NUDT3: variants seen among roughly 807,000 people sequenced by gnomAD.
The protein encoded by NUDT3 is nudix hydrolase 3.
Under a neutral mutation model 23.6 loss-of-function variants are expected in NUDT3, and 9 were observed. The observed-to-expected ratio is 0.38, with a 90% CI of 0.23 to 0.66. NUDT3 has a LOEUF of 0.66. NUDT3 is among the 30% of genes least tolerant of loss of function. The pLI is 0.52. For synonymous variants in NUDT3, 86 were observed against 82.6 expected, an observed-to-expected ratio of 1.04 and a Z score of -0.22; for missense variants, 172 against 218.5, an observed-to-expected ratio of 0.79 and a Z score of 1.34.
chr6:34,363,459 T>A (rs962704118), intron 1 of NUDT3, among the ~76,000 whole-genome samples: 1 of 152,134 alleles, frequency 6.6e-6, no homozygotes, highest in Non-Finnish European at 1.5e-5. Context: ...ATAACTGAAT[T>A]TTTATCCTAA....
At chr6:34,336,431 T>A (rs1051782678) in intron 2 of NUDT3, among the ~76,000 whole-genome samples, 5 of 152,186 alleles carry the variant, frequency 3.3e-5, no homozygotes, top group African/African-American at 1.2e-4. Flanking sequence ...AGATTCTTTT[T>A]TTTGCTGTTG....
At chr6:34,364,934 T>C (rs1764704244) in intron 1 of NUDT3, among the ~76,000 whole-genome samples, 1 of 152,080 alleles carries the variant, frequency 6.6e-6, no homozygotes, top group African/African-American at 2.4e-5. Flanking sequence ...GGCAGGAGAA[T>C]GGCGTGAACC....
At chr6:34,315,938 T>C (rs1763850883) in intron 2 of NUDT3, among the ~76,000 whole-genome samples, 1 of 152,214 alleles carries the variant, frequency 6.6e-6, no homozygotes, top group Non-Finnish European at 1.5e-5. Flanking sequence ...AAGCATGTCA[T>C]GGAGGAGCTC....
intron 2 of NUDT3, among the ~76,000 whole-genome samples, chr6:34,329,752 T>A (rs1365331308): frequency 6.6e-6 from 1 of 152,202 alleles, no homozygotes; most frequent in Non-Finnish European, 1.5e-5. Flanking sequence ...GCTGCACCCA[T>A]TAACTCCTCA....
At chr6:34,297,116 T>C (rs57264820) in intron 2 of NUDT3, among the ~76,000 whole-genome samples, 1,655 of 151,962 alleles carry the variant, frequency 0.011, 23 homozygotes, top group African/African-American at 0.036. Flanking sequence ...TATTTTTTAG[T>C]AGAGACAGGG....
chr6:34,342,289 CAAAAAAAAAA>C (rs200954440), intron 1 of NUDT3, among the ~76,000 whole-genome samples: 63 of 66,490 alleles, frequency 9.5e-4, no homozygotes, highest in East Asian at 1.2e-3. Context: ...TAGAAGACTT[CAAAAAAAAAA>C]AAAAAAAAAA....
At chr6:34,337,089 C>A (rs1412100853) in intron 2 of NUDT3, among the ~76,000 whole-genome samples, 1 of 152,160 alleles carries the variant, frequency 6.6e-6, no homozygotes, top group East Asian at 1.9e-4. Flanking sequence ...AGCCACTGAA[C>A]TGTTTCTGTA....
intron 2 of NUDT3, among the ~76,000 whole-genome samples, chr6:34,313,379 G>C (rs1763805120): frequency 6.6e-6 from 1 of 152,070 alleles, no homozygotes; most frequent in African/African-American, 2.4e-5. Flanking sequence ...GAGCACAGAG[G>C]ATTTTTATAG....
At chr6:34,381,198 TA>T (rs1451150589) in intron 1 of NUDT3, among the ~76,000 whole-genome samples, 1 of 152,112 alleles carries the variant, frequency 6.6e-6, no homozygotes, top group Admixed American at 6.6e-5. Context: ...TAAATTTTTT[TA>T]TAGAGACGAG....
At chr6:34,301,093 T>C (rs1283870703) in intron 2 of NUDT3, among the ~76,000 whole-genome samples, 3 of 152,254 alleles carry the variant, frequency 2.0e-5, no homozygotes, top group African/African-American at 7.2e-5. Flanking sequence ...ATTTTAATTG[T>C]TGAACAGTTA....
chr6:34,332,275 A>G (rs892285064), intron 2 of NUDT3, among the ~76,000 whole-genome samples: 8 of 152,190 alleles, frequency 5.3e-5, no homozygotes, highest in African/African-American at 1.9e-4. Context: ...TTAAAGCTAG[A>G]AAAAGAAAAT....
At chr6:34,341,220 T>C (rs551697418) in intron 2 of NUDT3, among the ~76,000 whole-genome samples, 5 of 152,246 alleles carry the variant, frequency 3.3e-5, no homozygotes, top group South Asian at 4.1e-4. Flanking sequence ...GGTTTTCAAT[T>C]GCAATCTGTT....
chr6:34,362,495 A>C (rs7738445), intron 1 of NUDT3, among the ~76,000 whole-genome samples: 4,140 of 152,230 alleles, frequency 0.027, 158 homozygotes, highest in African/African-American at 0.085. Flanking sequence ...AAATATTTTT[A>C]AATTATATGC....
At chr6:34,348,513 C>G (rs1332177062) in intron 1 of NUDT3, among the ~76,000 whole-genome samples, 2 of 151,922 alleles carry the variant, frequency 1.3e-5, no homozygotes, top group Admixed American at 6.6e-5. Context: ...AGCGGTGGCT[C>G]ACACCTGTAA....
chr6:34,316,376 G>A (rs769059008), intron 2 of NUDT3, among the ~76,000 whole-genome samples: 2 of 152,114 alleles, frequency 1.3e-5, no homozygotes, highest in Admixed American at 6.6e-5. Flanking sequence ...ACACTTTAGT[G>A]GCATTAGAGA....
intron 1 of NUDT3, among the ~76,000 whole-genome samples, chr6:34,372,018 T>A (rs1389818117): frequency 6.6e-6 from 1 of 151,714 alleles, no homozygotes; most frequent in Non-Finnish European, 1.5e-5. Flanking sequence ...CTTGCGATCG[T>A]TTGCTCAGAA....
chr6:34,327,340 C>T (rs1489191161), intron 2 of NUDT3, among the ~76,000 whole-genome samples: 1 of 151,848 alleles, frequency 6.6e-6, no homozygotes, highest in African/African-American at 2.4e-5. Context: ...ACCATCCTGG[C>T]CAACATGGTG....
At chr6:34,300,025 A>AGT (rs1763575931) in intron 2 of NUDT3, among the ~76,000 whole-genome samples, 1 of 152,066 alleles carries the variant, frequency 6.6e-6, no homozygotes, top group Admixed American at 6.6e-5. Context: ...CTGGGATTAC[A>AGT]GGTGTGAGCC....
At chr6:34,329,655 A>T (rs559850538) in intron 2 of NUDT3, among the ~76,000 whole-genome samples, 400 of 151,904 alleles carry the variant, frequency 2.6e-3, no homozygotes, top group South Asian at 4.6e-3. Context: ...TTAAAAAAAA[A>T]TTTTTTTTTA....
Sources: allele counts gnomAD v4.1 joint callset (sites outside exome capture counted in the v4.1 genomes callset), GRCh38; gene constraint gnomAD v4.1.1; transcripts MANE v1.5; gene names NCBI Gene and HGNC (gene_info 2026-07-23, HGNC 2026-07-21).